The following USP54 variants were observed in gnomAD, a reference collection of about 807,000 sequenced individuals.
The protein encoded by USP54 is ubiquitin carboxyl-terminal hydrolase 54.
USP54 carries 87 observed loss-of-function variants against 170.5 expected under a neutral mutation model. The observed-to-expected ratio is 0.51, with a 90% CI of 0.43 to 0.61. The LOEUF (loss-of-function observed/expected upper bound fraction) is 0.61, where lower values mean the gene tolerates loss of function less well. Among genes scored for constraint, USP54 ranks in the 20% least tolerant of loss-of-function variants. The probability of loss-of-function intolerance (pLI) is 0.00; values close to 1 mark genes in which losing one functional copy is unlikely to be tolerated. For missense variants in USP54, 1,786 were observed against 2,047.8 expected (o/e 0.87, Z 2.47); for synonymous variants, 655 against 742.8 (o/e 0.88, Z 1.92).
rs971219720 is a variant in USP54, at chr10:73,576,234, T to A, written c.-454A>T. The A allele has an allele frequency of 6.6e-6, 1 of 152,226 alleles. No homozygotes were observed. Among genetic ancestry groups the A allele is most frequent in the South Asian group, 2.1e-4 (1 of 4,834 alleles). The allele number at this position is 152,226 out of a possible 1,614,324, so 9.4% of individuals were successfully genotyped here. On this transcript the variant is annotated 5_prime_UTR_variant, in exon 2 of 24. It removes an upstream start codon present in the reference 5' UTR. Coordinates refer to ENST00000687698, the MANE Select transcript of USP54 (RefSeq NM_001391956.1). The stretch of plus-strand genomic sequence containing the variant: ...GCCAAGAAGAAGCCTGTTTGAATCA[T>A]CTGAGGTTTTTGTTGATGTTCTTGC...
chr10:73,609,844 A>T (rs540275906), intron 1 of USP54, among the ~76,000 whole-genome samples: 1 of 132,578 alleles, frequency 7.5e-6, no homozygotes, highest in South Asian at 2.8e-4. Flanking sequence ...TTCCGTCACA[A>T]AAAAAAAAAA....
chr10:73,616,877 T>C (rs771078262), intron 1 of USP54, among the ~76,000 whole-genome samples: 5 of 150,178 alleles, frequency 3.3e-5, no homozygotes, highest in Non-Finnish European at 7.4e-5. Flanking sequence ...AGAGAATAAA[T>C]GTAGCTTTGA....
At chr10:73,620,718 A>G (rs1021293970) in intron 1 of USP54, among the ~76,000 whole-genome samples, 2 of 149,848 alleles carry the variant, frequency 1.3e-5, no homozygotes, top group Admixed American at 6.6e-5. Flanking sequence ...CGGGTCAATC[A>G]TCTGAGGTCA....
intron 1 of USP54, among the ~76,000 whole-genome samples, chr10:73,585,414 C>T (rs749011794): frequency 3.9e-5 from 6 of 152,186 alleles, no homozygotes; most frequent in Admixed American, 2.6e-4. Flanking sequence ...GGCAAGGCCT[C>T]AGGGAGCTTA....
chr10:73,505,420 G>T lies in USP54; in HGVS notation c.4058C>A (p.Ala1353Glu). 5 of 1,613,822 alleles carry T rather than the reference G, an allele frequency of 3.1e-6. No homozygotes were observed. Among genetic ancestry groups the T allele is most frequent in the Non-Finnish European group, 4.2e-6 (5 of 1,179,862 alleles). Residue 1353 changes from alanine to glutamate, a missense_variant, in exon 21 of 24, where the codon GCA becomes GAA. Around this residue, in one of 3 missense-constraint regions of USP54, gnomAD observed 1,418 missense variants for 1,569.0 expected, o/e 0.90. Coordinates refer to ENST00000687698, the MANE Select transcript of USP54 (RefSeq NM_001391956.1). ...GTGCAACCTCCTCCCCATGCCATCT[G>T]CAGAGCCTGAAGAGGAAAACACAAA... The part of the protein sequence containing the change: ...AWHPLSQTGS[A>E]DGMGRRLHSA...
chr10:73,548,657 C>T (rs2068442613), intron 4 of USP54, among the ~76,000 whole-genome samples: 5 of 152,110 alleles, frequency 3.3e-5, no homozygotes, highest in Non-Finnish European at 7.4e-5. Context: ...TATGTTCTCA[C>T]TCATAGGTGG....
At chr10:73,604,854 G>A (rs1195246543) in intron 1 of USP54, among the ~76,000 whole-genome samples, 1 of 152,106 alleles carries the variant, frequency 6.6e-6, no homozygotes, top group Non-Finnish European at 1.5e-5. Context: ...GCAGCAGCAA[G>A]ATTTATTTTG....
At chr10:73,568,886 C>T (rs1339960291) in intron 4 of USP54, among the ~76,000 whole-genome samples, 3 of 152,122 alleles carry the variant, frequency 2.0e-5, no homozygotes, top group South Asian at 2.1e-4. Flanking sequence ...GTAAGTCTAG[C>T]GGTTGACTTT....
At chr10:73,589,287 A>G (rs948629479) in intron 1 of USP54, among the ~76,000 whole-genome samples, 1 of 152,202 alleles carries the variant, frequency 6.6e-6, no homozygotes, top group Non-Finnish European at 1.5e-5. Flanking sequence ...TCGCATCTAA[A>G]TCATACCTTG....
intron 1 of USP54, among the ~76,000 whole-genome samples, chr10:73,614,216 T>C (rs891682861): frequency 6.7e-6 from 1 of 149,574 alleles, no homozygotes; most frequent in Non-Finnish European, 1.5e-5. Flanking sequence ...AAAAACTGTA[T>C]GGTACTGGCC....
chr10:73,590,599 CAAATATT>C (rs1482958305), intron 1 of USP54, among the ~76,000 whole-genome samples: 5 of 152,102 alleles, frequency 3.3e-5, no homozygotes, highest in Non-Finnish European at 7.4e-5. Flanking sequence ...ATCTAAATAT[CAAATATT>C]AAATATTTTA....
intron 4 of USP54, among the ~76,000 whole-genome samples, chr10:73,556,918 C>A (rs1321701495): frequency 1.3e-5 from 2 of 152,114 alleles, no homozygotes; most frequent in Non-Finnish European, 2.9e-5. Context: ...GGCTTTTATG[C>A]CTTATACTAG....
chr10:73,580,212 G>C lies in USP54; in HGVS notation c.-581-3851C>G, dbSNP rs372905558. ...AGGCACCTATAATCCCAGCTCCTAG[G>C]GGGCATTGAGGCAGGAGAATTGCTT... On this transcript the variant is annotated intron_variant, in intron 1 of 23. Transcript: ENST00000687698. 3.3e-5 allele frequency among the ~76,000 whole-genome samples: 5 copies of C among 151,672 alleles called. No homozygotes were observed. In the East Asian group the frequency reaches 7.8e-4, roughly 24 times the overall value.
intron 4 of USP54, among the ~76,000 whole-genome samples, chr10:73,561,846 T>C (rs536480950): frequency 1.4e-3 from 208 of 151,948 alleles, no homozygotes; most frequent in Non-Finnish European, 2.1e-3. Flanking sequence ...AGAGGGGCAA[T>C]TTAGGGATCT....
intron 4 of USP54, among the ~76,000 whole-genome samples, chr10:73,559,236 C>T (rs1052913374): frequency 4.5e-4 from 69 of 152,020 alleles, no homozygotes; most frequent in Admixed American, 1.8e-3. Flanking sequence ...GCCCGGCCAA[C>T]ACGGTGAAAC....
chr10:73,552,249 C>T (rs2069571340), intron 4 of USP54, among the ~76,000 whole-genome samples: 1 of 152,114 alleles, frequency 6.6e-6, no homozygotes, highest in South Asian at 2.1e-4. Flanking sequence ...CCCGTCTCTA[C>T]TAAAAATACA....
In USP54 at chr10:73,558,347, T is replaced by C. The variant is rs559510136; in HGVS notation, c.241-12675A>G. ...ATCAAGTAACACAGAAAAAACCCAG[T>C]ACATTTTACAGAACCAAAGGAAAGG... is the stretch of plus-strand genomic sequence containing the variant. On this transcript the variant is annotated intron_variant, in intron 4 of 23. Coordinates refer to ENST00000687698, the MANE Select transcript of USP54 (RefSeq NM_001391956.1). Among the ~76,000 whole-genome samples, 3 of 152,286 alleles carry C rather than the reference T, an allele frequency of 2.0e-5. No individual in the cohort carries two copies. The South Asian group carries it at 6.2e-4, about 32-fold the overall frequency.
At chr10:73,582,067 C>T (rs974642679) in intron 1 of USP54, among the ~76,000 whole-genome samples, 3 of 152,160 alleles carry the variant, frequency 2.0e-5, no homozygotes, top group African/African-American at 4.8e-5. Flanking sequence ...AATTATCCCC[C>T]ACTGTATTCT....
chr10:73,514,943 G>A (rs2060817994), intron 20 of USP54, among the ~76,000 whole-genome samples: 1 of 151,776 alleles, frequency 6.6e-6, no homozygotes, highest in Non-Finnish European at 1.5e-5. Flanking sequence ...GGGAGGCTGA[G>A]GCAGGAGAAT....
Sources: allele counts gnomAD v4.1 joint callset (sites outside exome capture counted in the v4.1 genomes callset), GRCh38; gene constraint gnomAD v4.1.1; regional missense constraint gnomAD v4.1.1; transcripts MANE v1.5; gene names NCBI Gene and HGNC (gene_info 2026-07-23, HGNC 2026-07-21).